Variants in NUGGC observed in about 807,000 individuals in gnomAD.
NUGGC encodes the protein nuclear GTPase, germinal center associated, also known as nuclear GTPase SLIP-GC.
In NUGGC, 58 loss-of-function variants were observed where a neutral mutation model predicts 92.6. That is an observed-to-expected ratio of 0.63 (90% CI 0.51 to 0.78). The LOEUF is 0.78. NUGGC is among the 30% of genes least tolerant of loss of function. NUGGC has a pLI of 0.00. For synonymous variants in NUGGC, 376 were observed against 366.4 expected (o/e 1.03, Z -0.30); for missense variants, 925 against 964.6 (o/e 0.96, Z 0.54).
chr8:28,072,738 G>T (rs983353333), intron 2 of NUGGC, among the ~76,000 whole-genome samples: 5 of 151,992 alleles, frequency 3.3e-5, no homozygotes, highest in Non-Finnish European at 7.4e-5. Flanking sequence ...TATACCATAC[G>T]AGGGTAGTAT....
chr8:28,063,952 T>G (rs1468526343), intron 7 of NUGGC, among the ~76,000 whole-genome samples: 2 of 152,102 alleles, frequency 1.3e-5, no homozygotes, highest in Non-Finnish European at 2.9e-5. Context: ...GTCCCTCTCT[T>G]CCTGCAAGTT....
At chr8:28,066,893 TC>T (rs1214649487) in intron 6 of NUGGC, among the ~76,000 whole-genome samples, 1 of 152,200 alleles carries the variant, frequency 6.6e-6, no homozygotes, top group Admixed American at 6.5e-5. Context: ...TTCTCTGGAC[TC>T]CCTTTCAGCC....
At chr8:28,067,961 T>A (rs1362067882) in intron 5 of NUGGC, among the ~76,000 whole-genome samples, 2 of 152,206 alleles carry the variant, frequency 1.3e-5, no homozygotes, top group Non-Finnish European at 2.9e-5. Context: ...CTTGATGAAC[T>A]TTCTCCTGGG....
chr8:28,024,815 C>A (rs1447509775), intron 18 of NUGGC, among the ~76,000 whole-genome samples: 1 of 152,200 alleles, frequency 6.6e-6, no homozygotes, highest in African/African-American at 2.4e-5. Context: ...TCCCCCAGGA[C>A]CCAGCTTCAG....
At chr8:28,063,905 C>T (rs559711729) in intron 7 of NUGGC, among the ~76,000 whole-genome samples, 18 of 152,312 alleles carry the variant, frequency 1.2e-4, no homozygotes, top group African/African-American at 4.3e-4. Flanking sequence ...TCCAGAGCGC[C>T]TCTGTTTACC....
rs763484760 is a variant in NUGGC at position 28,029,352 on chromosome 8, T to C, written c.2068A>G (p.Ile690Val). The C allele has an allele frequency of 4.3e-6, 7 of 1,612,342 alleles. No individual in the cohort carries two copies. Among genetic ancestry groups the C allele is most frequent in the Non-Finnish European group, 5.1e-6 (6 of 1,179,274 alleles). Residue 690 changes from isoleucine to valine, a missense_variant, in exon 17 of 19, where the codon ATC becomes GTC. Ile to Val is a conservative substitution (Grantham distance 29). Transcript: ENST00000413272. ...KKACERMKDA[I>V]RRGVDRQVAE... ...ACCTGCCGGTCCACTCCTCTTCTGA[T>C]GGCATCTTTCATCCGCTCACACGCT...
intron 13 of NUGGC, among the ~76,000 whole-genome samples, 198 bp from the exon 14 acceptor site, chr8:28,033,895 G>T (rs1809487510): frequency 1.3e-5 from 2 of 152,160 alleles, no homozygotes; most frequent in Non-Finnish European, 2.9e-5. Flanking sequence ...CCCCTGCCAT[G>T]GGCTTCCTAA....
At chr8:28,026,875 G>A (rs1563212440) in intron 18 of NUGGC, 87 bp downstream of exon 18, 4 of 938,840 alleles carry the variant, frequency 4.3e-6, no homozygotes, top group South Asian at 1.3e-5. Context: ...AAAATTTAAA[G>A]TTTAATACCT....
chr8:28,065,828 A>G (rs1810426432), intron 6 of NUGGC, among the ~76,000 whole-genome samples: 1 of 152,214 alleles, frequency 6.6e-6, no homozygotes, highest in African/African-American at 2.4e-5. Flanking sequence ...ATTTCAACCA[A>G]ATGATAAACC....
chr8:28,033,863 A>G (rs1036615244), intron 13 of NUGGC, among the ~76,000 whole-genome samples, 166 bp from the exon 14 acceptor site: 3 of 152,166 alleles, frequency 2.0e-5, no homozygotes, highest in Admixed American at 2.0e-4. Context: ...GACAGTGGTC[A>G]CGCCTCTAGG....
At chr8:28,081,007 T>TAAAAAAAAAAAAAAAA (rs146531275) in intron 1 of NUGGC, among the ~76,000 whole-genome samples, 2 of 151,940 alleles carry the variant, frequency 1.3e-5, no homozygotes, top group African/African-American at 4.8e-5. Flanking sequence ...GAATTGGTTT[T>TAAAAAAAAAAAAAAAA]AAAAAAAATA....
At chr8:28,036,377 T>C (rs1232061803) in intron 13 of NUGGC, among the ~76,000 whole-genome samples, 2 of 152,060 alleles carry the variant, frequency 1.3e-5, no homozygotes, top group African/African-American at 2.4e-5. Flanking sequence ...AGATATCCTA[T>C]CACTGTCCTT....
At chr8:28,026,465 A>C (rs1467077170) in intron 18 of NUGGC, among the ~76,000 whole-genome samples, 2 of 152,212 alleles carry the variant, frequency 1.3e-5, no homozygotes, top group Non-Finnish European at 2.9e-5. Flanking sequence ...AGGTGGATTA[A>C]GAGAAGCCTT....
chr8:28,029,468 G>A lies in NUGGC; in HGVS notation c.2018-66C>T, dbSNP rs150509936. 3,918 of 1,557,266 alleles carry A rather than the reference G, an allele frequency of 2.5e-3. 98 individuals carry two copies. In the African/African-American group the frequency reaches 0.047, roughly 19 times the overall value. ...CTGCTTAGAAATCTTTGGCACCATGGCCGGGCATGGTGGCTCACACCTGTA... is the reference window on the plus strand; with the variant it reads ...CTGCTTAGAAATCTTTGGCACCATGACCGGGCATGGTGGCTCACACCTGTA... On this transcript the variant is annotated intron_variant, in intron 16 of 18. Transcript: ENST00000413272.
chr8:28,070,008 AT>A, intron 3 of NUGGC: 1 of 745,886 alleles, frequency 1.3e-6, no homozygotes, highest in South Asian at 6.1e-5. Flanking sequence ...CAACCTCATC[AT>A]TTTCACAGGC....
At chr8:28,064,423 C>A in intron 7 of NUGGC, 99 bp downstream of exon 7, 1 of 1,013,002 alleles carries the variant, frequency 9.9e-7, no homozygotes. Context: ...TTCCAATGAA[C>A]TCAAAATCCC....
chr8:28,029,880 G>A (rs555106331), intron 16 of NUGGC, among the ~76,000 whole-genome samples: 1 of 152,210 alleles, frequency 6.6e-6, no homozygotes, highest in African/African-American at 2.4e-5. Context: ...ATAATAACCA[G>A]CATTCAGAAA....
At chr8:28,040,946 G>GCTAACT (rs1489740292) in intron 13 of NUGGC, 105 bp downstream of exon 13, 65 of 1,184,618 alleles carry the variant, frequency 5.5e-5, no homozygotes, top group Non-Finnish European at 7.3e-5. Flanking sequence ...TGCCCGGCCC[G>GCTAACT]CTAACTCTTT....
chr8:28,056,547 C>T (rs1445242461), intron 9 of NUGGC, among the ~76,000 whole-genome samples: 1 of 150,290 alleles, frequency 6.7e-6, no homozygotes, highest in African/African-American at 2.4e-5. Context: ...TCCACTTATA[C>T]GTGGATTCTT....
Sources: gnomAD v4.1 joint callset for allele counts (sites outside exome capture counted in the v4.1 genomes callset) on GRCh38, gnomAD v4.1.1 for gene constraint, MANE v1.5 for transcripts, NCBI Gene and HGNC (gene_info 2026-07-23, HGNC 2026-07-21) for gene names.